The following ZDHHC2 variants were observed in gnomAD, a reference collection of about 807,000 sequenced individuals.
ZDHHC2 encodes the protein zDHHC palmitoyltransferase 2.
In ZDHHC2, 51 loss-of-function variants were observed where a neutral mutation model predicts 55.6. That is an observed-to-expected ratio of 0.92 (90% CI 0.73 to 1.16). The LOEUF (loss-of-function observed/expected upper bound fraction) is 1.16. ZDHHC2 is among the 50% of genes most tolerant of loss of function. The probability of loss-of-function intolerance (pLI) is 0.00; values close to 1 mark genes in which losing one functional copy is unlikely to be tolerated. For synonymous variants in ZDHHC2, 199 were observed against 152.9 expected (o/e 1.30, Z -2.22); for missense variants, 491 against 442.4 (o/e 1.11, Z -0.99).
chr8:17,214,385 A>G (rs995599104), intron 10 of ZDHHC2, among the ~76,000 whole-genome samples: 6 of 152,218 alleles, frequency 3.9e-5, no homozygotes, highest in African/African-American at 7.2e-5. Flanking sequence ...ACAGAAGAAG[A>G]TAGAGAAAAT....
At chr8:17,173,117 G>T (rs1308324413) in intron 1 of ZDHHC2, among the ~76,000 whole-genome samples, 1 of 152,148 alleles carries the variant, frequency 6.6e-6, no homozygotes, top group Non-Finnish European at 1.5e-5. Context: ...CACAGACCAA[G>T]AACTGAGAGA....
chr8:17,187,794 G>C (rs892359079), intron 3 of ZDHHC2, among the ~76,000 whole-genome samples: 6 of 151,994 alleles, frequency 3.9e-5, no homozygotes, highest in African/African-American at 1.5e-4. Context: ...AATCTGTTTT[G>C]AGTTCTAAAC....
chr8:17,204,988 A>C (rs1005669137), intron 6 of ZDHHC2, among the ~76,000 whole-genome samples: 1 of 152,160 alleles, frequency 6.6e-6, no homozygotes, highest in African/African-American at 2.4e-5. Flanking sequence ...CCATATTTGG[A>C]ATTATAGCAT....
intron 6 of ZDHHC2, among the ~76,000 whole-genome samples, chr8:17,199,546 T>TCTTCTGTCTTCTGTCTTC (rs1806566009): frequency 4.9e-5 from 2 of 40,664 alleles, no homozygotes; most frequent in East Asian, 4.9e-4. Flanking sequence ...CTTCGTCTTC[T>TCTTCTGTCTTCTGTCTTC]GTCTTCGTCT....
chr8:17,200,123 G>A (rs1806672162), intron 6 of ZDHHC2, among the ~76,000 whole-genome samples: 1 of 152,122 alleles, frequency 6.6e-6, no homozygotes, highest in East Asian at 1.9e-4. Flanking sequence ...TGCCCCACCT[G>A]TATCCCCATG....
At chr8:17,170,576 A>T (rs1804810903) in intron 1 of ZDHHC2, among the ~76,000 whole-genome samples, 1 of 152,216 alleles carries the variant, frequency 6.6e-6, no homozygotes, top group Non-Finnish European at 1.5e-5. Context: ...ATAGCTGCTA[A>T]CCCTGCTAGA....
intron 6 of ZDHHC2, among the ~76,000 whole-genome samples, chr8:17,199,863 G>A (rs1406862222): frequency 6.4e-4 from 97 of 150,718 alleles, no homozygotes; most frequent in Middle Eastern, 3.4e-3. Context: ...GGGTTCAAGC[G>A]ATTCTCCTGC....
intron 10 of ZDHHC2, among the ~76,000 whole-genome samples, chr8:17,213,928 G>T (rs1474821350): frequency 2.0e-5 from 3 of 152,124 alleles, no homozygotes; most frequent in African/African-American, 7.2e-5. Context: ...CAAAATTTTA[G>T]TAGGTAGTTG....
intron 2 of ZDHHC2, 44 bp from the exon 3 acceptor site, chr8:17,186,287 T>C (rs754792966): frequency 6.3e-6 from 8 of 1,261,720 alleles, no homozygotes; most frequent in East Asian, 2.6e-5. Flanking sequence ...AATTTTAGTA[T>C]GTATTTGCAT....
intron 1 of ZDHHC2, among the ~76,000 whole-genome samples, chr8:17,176,578 C>T (rs979993989): frequency 6.6e-6 from 1 of 152,198 alleles, no homozygotes; most frequent in Admixed American, 6.5e-5. Context: ...CAGCTGAGTG[C>T]CGTGATCAAG....
chr8:17,184,639 C>G lies in ZDHHC2; in HGVS notation c.131-150C>G, dbSNP rs562629104. 5.2e-4 allele frequency: 353 copies of G among 678,294 alleles called. No homozygotes were observed. The African/African-American group carries it at 5.3e-3, about 10-fold the overall frequency. The allele number at this position is 678,294 out of a possible 1,614,324, so 42.0% of individuals were successfully genotyped here. ...CTGCACCCTCTCCACACTGTGCTCACCTCTCCTCCAAATAAAGTTGAATAA... is the reference window on the plus strand; with the variant it reads ...CTGCACCCTCTCCACACTGTGCTCAGCTCTCCTCCAAATAAAGTTGAATAA... On this transcript the variant is annotated intron_variant, in intron 1 of 12. Coordinates refer to ENST00000262096, the MANE Select transcript of ZDHHC2 (RefSeq NM_016353.5).
At position 17,223,090 on chromosome 8, in the gene ZDHHC2, A is replaced by T. The variant is rs1049567643; in HGVS notation, c.*2869A>T. ...CATGTGATTCATGCTTCAAGAAAAT[A>T]TATGAAAAAAGTGTTACTCCATTAT... On this transcript the variant is annotated 3_prime_UTR_variant, in exon 13 of 13. Coordinates refer to ENST00000262096, the MANE Select transcript of ZDHHC2 (RefSeq NM_016353.5). The T allele has an allele frequency of 1.3e-4, 19 of 151,914 alleles. No homozygotes were observed. Among genetic ancestry groups the T allele is most frequent in the Non-Finnish European group, 2.4e-4 (16 of 67,818 alleles). 9.4% of individuals were successfully genotyped at this position (151,914 alleles called of 1,614,324 possible). A position where few individuals can be genotyped will look rare whatever the true frequency, so the allele number is the denominator to read the frequency against.
At chr8:17,206,844 A>G (rs949426416) in intron 7 of ZDHHC2, among the ~76,000 whole-genome samples, 3 of 152,192 alleles carry the variant, frequency 2.0e-5, no homozygotes, top group Non-Finnish European at 2.9e-5. Context: ...CTAAATTGCT[A>G]GATCACTTAT....
At chr8:17,179,227 A>G (rs764582053) in intron 1 of ZDHHC2, among the ~76,000 whole-genome samples, 8 of 151,946 alleles carry the variant, frequency 5.3e-5, no homozygotes, top group Non-Finnish European at 1.0e-4. Flanking sequence ...TGCTGGGATT[A>G]GAGGTTTGAG....
chr8:17,165,657 T>C (rs1804564616), intron 1 of ZDHHC2, among the ~76,000 whole-genome samples: 1 of 152,120 alleles, frequency 6.6e-6, no homozygotes, highest in Non-Finnish European at 1.5e-5. Flanking sequence ...ACATTTCTAA[T>C]TGGGGGAAGG....
intron 1 of ZDHHC2, among the ~76,000 whole-genome samples, chr8:17,181,973 T>A (rs1335043441): frequency 6.6e-6 from 1 of 152,188 alleles, no homozygotes; most frequent in African/African-American, 2.4e-5. Flanking sequence ...AAGGAAACTT[T>A]GAACTTGACA....
intron 3 of ZDHHC2, among the ~76,000 whole-genome samples, chr8:17,190,729 C>T (rs983226837): frequency 2.0e-5 from 3 of 151,784 alleles, no homozygotes; most frequent in African/African-American, 4.8e-5. Context: ...CTTGTGAGTA[C>T]CTAATAGATA....
In ZDHHC2 at chr8:17,223,242, C is replaced by A. The variant is rs1397068626; in HGVS notation, c.*3021C>A. The A allele has an allele frequency of 1.3e-5, 2 of 151,752 alleles. No homozygotes were observed. Among genetic ancestry groups the A allele is most frequent in the Non-Finnish European group, 3.0e-5 (2 of 67,790 alleles). The allele number at this position is 151,752 out of a possible 1,614,324, so 9.4% of individuals were successfully genotyped here. On this transcript the variant is annotated 3_prime_UTR_variant, in exon 13 of 13. Transcript: ENST00000262096. ...ATACTTGTTTGTAAAAGTGATGGTT[C>A]TGATACCTTTGATCAAACATAGATA...
At position 17,220,315 on chromosome 8, in the gene ZDHHC2, G is replaced by T. The variant is rs1807863769; in HGVS notation, c.*94G>T. On this transcript the variant is annotated 3_prime_UTR_variant, in exon 13 of 13. Coordinates refer to ENST00000262096, the MANE Select transcript of ZDHHC2 (RefSeq NM_016353.5). ...CACAGGAAGGTGCCACCAGTCAGTT[G>T]TGCCTATGTCCCTTTGGCTGGAAAT... The T allele has an allele frequency of 6.6e-6, 1 of 152,202 alleles. No homozygotes were observed. Among genetic ancestry groups the T allele is most frequent in the African/African-American group, 2.4e-5 (1 of 41,456 alleles). 9.4% of individuals were successfully genotyped at this position (152,202 alleles called of 1,614,324 possible). A position where few individuals can be genotyped will look rare whatever the true frequency, so the allele number is the denominator to read the frequency against.
Sources: allele counts gnomAD v4.1 joint callset (sites outside exome capture counted in the v4.1 genomes callset), GRCh38; gene constraint gnomAD v4.1.1; transcripts MANE v1.5; gene names NCBI Gene and HGNC (gene_info 2026-07-23, HGNC 2026-07-21).